Variants in PARP11 observed in about 807,000 individuals in gnomAD.
PARP11 encodes poly(ADP-ribose) polymerase family member 11.
A neutral mutation model predicts 42.9 loss-of-function variants in PARP11; 31 were observed. That is an observed-to-expected ratio of 0.72 (90% CI 0.54 to 0.98). The LOEUF is 0.98. Among genes scored for constraint, PARP11 ranks in the 50% least tolerant of loss-of-function variants. The pLI is 0.00. For synonymous variants in PARP11, 137 were observed against 127.3 expected, an observed-to-expected ratio of 1.08 and a Z score of -0.51; for missense variants, 365 against 413.1, an observed-to-expected ratio of 0.88 and a Z score of 1.01.
At chr12:3,825,654 A>C (rs11062850) in intron 4 of PARP11, among the ~76,000 whole-genome samples, 2,799 of 152,362 alleles carry the variant, frequency 0.018, 125 homozygotes, top group East Asian at 0.14. Context: ...ATAACATGAA[A>C]GGAAGCACTT....
rs1947861144 is a variant in PARP11, at chr12:3,840,445, C to T, written c.19-10427G>A. 1 of 1,613,284 alleles carries T rather than the reference C, an allele frequency of 6.2e-7. No homozygotes were observed. Among genetic ancestry groups the T allele is most frequent in the East Asian group, 2.2e-5 (1 of 44,878 alleles). Reference sequence around the variant, plus strand: ...ATTAGCACTACCTCCTCGACTGCAGCATCCTTCAGGAGTAAGACAACGTGA... The same window carrying T: ...ATTAGCACTACCTCCTCGACTGCAGTATCCTTCAGGAGTAAGACAACGTGA... On this transcript the variant is annotated intron_variant, in intron 1 of 7. Coordinates refer to ENST00000228820, the MANE Select transcript of PARP11 (RefSeq NM_020367.6). This position sits in a 1 kb window ranked among gnomAD's most constrained non-coding sequence, Gnocchi z 4.4.
intron 1 of PARP11, among the ~76,000 whole-genome samples, chr12:3,845,218 G>A (rs1407325830): frequency 1.3e-5 from 2 of 152,206 alleles, no homozygotes; most frequent in East Asian, 3.9e-4. Flanking sequence ...ATGTCTCCTT[G>A]GCAGCAGGAT....
rs1309869955 is a variant in PARP11 at position 3,826,223 on chromosome 12, T to A, written c.279A>T (p.Gln93His). 1 of 1,592,670 alleles carries A rather than the reference T, an allele frequency of 6.3e-7. No individual in the cohort carries two copies. Among genetic ancestry groups the A allele is most frequent in the Non-Finnish European group, 8.5e-7 (1 of 1,173,302 alleles). The change falls in exon 4 of 8, where the codon CAA becomes CAT. Residue 93 changes from glutamine (Q) to histidine (H), a missense_variant. Coordinates refer to ENST00000228820, the MANE Select transcript of PARP11 (RefSeq NM_020367.6). ...SYKIDFAEMK[Q>H]MNLTTGKQRL... ...GCTGCTTTCCAGTGGTGAGATTCAT[T>A]TGCTTCATTTCTGTATACAAAGACA... is the stretch of plus-strand genomic sequence containing the variant.
In PARP11 at chr12:3,845,371, C is replaced by A. The variant is rs188199904; in HGVS notation, c.19-15353G>T. On this transcript the variant is annotated intron_variant, in intron 1 of 7. Transcript: ENST00000228820. ...GCCGATATATCTTATTTAATGCAGA[C>A]TGTATTCTTGCAGTGTGTTGTTTCC... Among the ~76,000 whole-genome samples the A allele has an allele frequency of 8.5e-5, 13 of 152,302 alleles. No individual in the cohort carries two copies. The East Asian group carries it at 2.5e-3, about 29-fold the overall frequency.
chr12:3,854,383 C>A (rs994819289), intron 1 of PARP11, among the ~76,000 whole-genome samples: 1 of 151,932 alleles, frequency 6.6e-6, no homozygotes, highest in East Asian at 1.9e-4. Flanking sequence ...ATTGATAGAC[C>A]GCTAGCAAGA....
rs1170395666 is a variant in PARP11 at position 3,810,054 on chromosome 12, C to T, written c.*2069G>A. The T allele has an allele frequency of 6.6e-6, 1 of 152,206 alleles. No homozygotes were observed. The highest frequency in any genetic ancestry group is 1.9e-4 in the East Asian group (1 of 5,202). The allele number at this position is 152,206 out of a possible 1,614,324, so 9.4% of individuals were successfully genotyped here. A position where few individuals can be genotyped will look rare whatever the true frequency, so the allele number is the denominator to read the frequency against. On this transcript the variant is annotated 3_prime_UTR_variant, in exon 8 of 8. Transcript: ENST00000228820. Reference sequence around the variant, plus strand: ...GGGATAGATGGCACTTTAAGAATTACTATCCCTAATCTGTCTGCACTCTTT... The same window carrying T: ...GGGATAGATGGCACTTTAAGAATTATTATCCCTAATCTGTCTGCACTCTTT...
chr12:3,853,981 T>G (rs140088951), intron 1 of PARP11, among the ~76,000 whole-genome samples: 1 of 152,250 alleles, frequency 6.6e-6, no homozygotes, highest in African/African-American at 2.4e-5. Context: ...ATTAAGAAAC[T>G]CACTCAAAAC....
At chr12:3,825,819 C>A (rs900532214) in intron 4 of PARP11, among the ~76,000 whole-genome samples, 1 of 152,106 alleles carries the variant, frequency 6.6e-6, no homozygotes, top group African/African-American at 2.4e-5. Flanking sequence ...CTCCGCCTCA[C>A]GGGTTCACAC....
At chr12:3,825,758 C>G (rs911493425) in intron 4 of PARP11, among the ~76,000 whole-genome samples, 1 of 152,132 alleles carries the variant, frequency 6.6e-6, no homozygotes, top group Admixed American at 6.5e-5. Flanking sequence ...GAGTCTCACT[C>G]TGTCGCCCAG....
At chr12:3,870,948 A>G (rs1268653791) in intron 1 of PARP11, among the ~76,000 whole-genome samples, 1 of 152,248 alleles carries the variant, frequency 6.6e-6, no homozygotes, top group Non-Finnish European at 1.5e-5. Context: ...GCTAAAATCA[A>G]ATACAAGTAA....
At chr12:3,829,556 T>C (rs1489076299) in intron 2 of PARP11, among the ~76,000 whole-genome samples, 1 of 152,190 alleles carries the variant, frequency 6.6e-6, no homozygotes, top group East Asian at 1.9e-4. Flanking sequence ...ACACCTAACA[T>C]AATACCTGGC....
intron 1 of PARP11, among the ~76,000 whole-genome samples, chr12:3,838,990 G>A (rs529362470): frequency 6.6e-6 from 1 of 152,278 alleles, no homozygotes; most frequent in Non-Finnish European, 1.5e-5. Flanking sequence ...GTCGGGCAGC[G>A]AGGCCGTCGG....
intron 4 of PARP11, chr12:3,824,570 T>C (rs1947475925): frequency 1.1e-6 from 1 of 877,886 alleles, no homozygotes; most frequent in Non-Finnish European, 1.4e-6. Flanking sequence ...CAACACCCTA[T>C]TGTATCTTAC....
chr12:3,839,116 C>T (rs142499296), intron 1 of PARP11, among the ~76,000 whole-genome samples: 26,191 of 151,180 alleles, frequency 0.17, 2,881 homozygotes, highest in East Asian at 0.5. Flanking sequence ...AGGCAGGGCT[C>T]CCCTACGCGC....
chr12:3,831,260 T>A (rs1331666825), intron 1 of PARP11, among the ~76,000 whole-genome samples: 1 of 152,018 alleles, frequency 6.6e-6, no homozygotes, highest in Non-Finnish European at 1.5e-5. Flanking sequence ...TCTCTCTCTC[T>A]CACTCTGTTT....
intron 6 of PARP11, among the ~76,000 whole-genome samples, chr12:3,816,234 C>T (rs535483492): frequency 2.0e-5 from 3 of 152,162 alleles, no homozygotes; most frequent in South Asian, 2.1e-4. Context: ...TGTTTTTACC[C>T]ACTGTTTCAA....
chr12:3,839,006 GA>G (rs1189320451), intron 1 of PARP11, among the ~76,000 whole-genome samples: 1 of 152,166 alleles, frequency 6.6e-6, no homozygotes, highest in East Asian at 1.9e-4. Context: ...GTCGGGAAGT[GA>G]CTACTCACTC....
At chr12:3,826,358 C>T in intron 3 of PARP11, 125 bp from the exon 4 acceptor site, 1 of 628,212 alleles carries the variant, frequency 1.6e-6, no homozygotes, top group East Asian at 2.9e-5. Flanking sequence ...AGCTGGCAAG[C>T]ATAGTGTATT....
At chr12:3,872,236 T>C (rs1370289848) in intron 1 of PARP11, among the ~76,000 whole-genome samples, 2 of 152,186 alleles carry the variant, frequency 1.3e-5, no homozygotes, top group Admixed American at 1.3e-4. Flanking sequence ...CTTTGTCCAG[T>C]CACATTTTTA....
Sources: allele counts gnomAD v4.1 joint callset (sites outside exome capture counted in the v4.1 genomes callset), GRCh38; gene constraint gnomAD v4.1.1; non-coding constraint Gnocchi (gnomAD v3.1); transcripts MANE v1.5; gene names NCBI Gene and HGNC (gene_info 2026-07-23, HGNC 2026-07-21).